The following MED24 variants were observed in gnomAD, a reference collection of about 807,000 sequenced individuals.
The protein encoded by MED24 is mediator complex subunit 24, also known as mediator of RNA polymerase II transcription subunit 24.
MED24 carries 74 observed loss-of-function variants against 118.8 expected under a neutral mutation model. That is an observed-to-expected ratio of 0.62 (90% CI 0.52 to 0.76). The LOEUF (loss-of-function observed/expected upper bound fraction) is 0.76, where lower values mean the gene tolerates loss of function less well. MED24 is among the 30% of genes least tolerant of loss of function. MED24 has a pLI of 0.00. For missense variants in MED24, 1,041 were observed against 1,278.9 expected (o/e 0.81, Z 2.84); for synonymous variants, 521 against 523.9 (o/e 0.99, Z 0.08).
At chr17:40,022,958 C>G in intron 20 of MED24, 132 bp from the exon 21 acceptor site, 1 of 1,345,904 alleles carries the variant, frequency 7.4e-7, no homozygotes, top group South Asian at 1.4e-5. Context: ...GCCCCTCAGG[C>G]TGAATCCCAG....
chr17:40,028,126 T>TG, intron 14 of MED24, 180 bp from the exon 15 acceptor site: 1 of 606,638 alleles, frequency 1.6e-6, no homozygotes, highest in Non-Finnish European at 2.8e-6. Context: ...TTTTTTTTTG[T>TG]TTTTTTTGAG....
chr17:40,040,944 G>T (rs919836768), intron 3 of MED24, among the ~76,000 whole-genome samples: 2 of 151,624 alleles, frequency 1.3e-5, no homozygotes, highest in East Asian at 1.9e-4. Context: ...TAGAGATAGG[G>T]TCTATGTTGT....
chr17:40,021,980 G>C lies in MED24; in HGVS notation c.2598C>G (p.Asp866Glu). 1 of 1,608,254 alleles carries C rather than the reference G, an allele frequency of 6.2e-7. No homozygotes were observed. The highest frequency in any genetic ancestry group is 8.5e-7 in the Non-Finnish European group (1 of 1,177,154). The stretch of plus-strand genomic sequence containing the variant: ...TGGGGCTCGAAAGGATGTTGGCATC[G>C]TCCTCATTAGAGCTCAGCAGTCGCA... ...KLMRLLSSNE[D>E]DANILSSPTD... Residue 866 changes from aspartate to glutamate, a missense_variant, in exon 23 of 26, where the codon GAC becomes GAG. Asp to Glu is a conservative substitution (Grantham distance 45). Coordinates refer to ENST00000394128, the MANE Select transcript of MED24 (RefSeq NM_014815.4).
chr17:40,031,303 G>C (rs1983345143), intron 11 of MED24, 58 bp from the exon 12 acceptor site: 5 of 1,466,926 alleles, frequency 3.4e-6, no homozygotes, highest in Non-Finnish European at 4.7e-6. Flanking sequence ...GTGAGGGGTG[G>C]GAGTGGCAGG....
At position 40,053,350 on chromosome 17, in the gene MED24, G is replaced by C. The variant is rs1349220692; in HGVS notation, c.161C>G (p.Pro54Arg). The stretch of plus-strand genomic sequence containing the variant: ...GGACAAGATGAGAGGATTGGGGGAT[G>C]GTCCAATCATGGCCTGCTCTAGTAA... ...DALLEQAMIG[P>R]SPNPLILSYL... Residue 54 changes from proline (P) to arginine (R), a missense_variant, in exon 3 of 26, where the codon CCA (proline) becomes CGA (arginine). By Grantham distance (103) the Pro-to-Arg change is moderately radical (BLOSUM62 -2). Around this residue, in one of 3 missense-constraint regions of MED24, gnomAD observed 434 missense variants for 514.9 expected, o/e 0.84. Coordinates refer to ENST00000394128, the MANE Select transcript of MED24 (RefSeq NM_014815.4). The C allele has an allele frequency of 4.3e-6, 7 of 1,612,982 alleles. No homozygotes were observed. The highest frequency in any genetic ancestry group is 1.7e-5 in the Admixed American group (1 of 59,934).
At chr17:40,030,296 T>C (rs1983205444) in intron 12 of MED24, among the ~76,000 whole-genome samples, 1 of 132,122 alleles carries the variant, frequency 7.6e-6, no homozygotes, top group Admixed American at 8.0e-5. Flanking sequence ...CAATTTATCA[T>C]TAGTCTTTTT....
At chr17:40,027,613 C>T in intron 15 of MED24, 148 bp from the exon 16 acceptor site, 2 of 762,298 alleles carry the variant, frequency 2.6e-6, no homozygotes, top group Non-Finnish European at 4.3e-6. Flanking sequence ...TTTCTTGAGT[C>T]TCAACTGGAA....
chr17:40,026,855 CA>C lies in MED24; in HGVS notation c.1709del (p.Val570GlyfsTer3). 1 of 1,612,518 alleles carries C rather than the reference CA, an allele frequency of 6.2e-7. No homozygotes were observed. The highest frequency in any genetic ancestry group is 8.5e-7 in the Non-Finnish European group (1 of 1,178,870). ...LLNNSSEMKL[V>X]QMKWHEACLS... ...TTGGAGTGGGCGCCCGGGCCACTGA[CA>C]CTAGCTTCATCTCCGAGGAGTTGTT... On this transcript the variant is annotated frameshift_variant and splice_region_variant, in exon 17 of 26. Transcript: ENST00000394128. LOFTEE classifies it high-confidence loss of function.
In MED24 at chr17:40,019,708, G is replaced by A. The variant is rs1981708706; in HGVS notation, c.2854-63C>T. ...GGTGGTGGGTGTGCTGTCCCAGGGG[G>A]AAGGAGGCCCCTCCCTGCTCTAAGG... On this transcript the variant is annotated intron_variant, in intron 25 of 25. Transcript: ENST00000394128. 3 of 1,586,076 alleles carry A rather than the reference G, an allele frequency of 1.9e-6. No individual in the cohort carries two copies. In the East Asian group the frequency reaches 6.7e-5, roughly 36 times the overall value.
Position 40,022,836 on chromosome 17 carries a change from A to G in MED24, c.2251-10T>C, listed in dbSNP as rs1313198523. On this transcript the variant is annotated splice_polypyrimidine_tract_variant and intron_variant, in intron 20 of 25. Transcript: ENST00000394128. ...TCTCCTTCAGCAGCTCCTAGTGCGCAGGAAAGGGGGCAGTTCAGGAGCCAG... is the reference window on the plus strand; with the variant it reads ...TCTCCTTCAGCAGCTCCTAGTGCGCGGGAAAGGGGGCAGTTCAGGAGCCAG... 4 of 1,612,368 alleles carry G rather than the reference A, an allele frequency of 2.5e-6. No individual in the cohort carries two copies. Among genetic ancestry groups the G allele is most frequent in the Non-Finnish European group, 3.4e-6 (4 of 1,179,780 alleles).
At chr17:40,025,281 G>A (rs1426042230) in intron 19 of MED24, among the ~76,000 whole-genome samples, 2 of 152,144 alleles carry the variant, frequency 1.3e-5, no homozygotes, top group Non-Finnish European at 2.9e-5. Flanking sequence ...AGGAGTTCAA[G>A]ACCTGGCAAT....
chr17:40,052,308 G>A (rs148500781), intron 3 of MED24, among the ~76,000 whole-genome samples: 90 of 152,242 alleles, frequency 5.9e-4, no homozygotes, highest in African/African-American at 2.1e-3. Flanking sequence ...AAGGTAGGTA[G>A]ATGACCTTTG....
intron 3 of MED24, among the ~76,000 whole-genome samples, chr17:40,036,453 G>A (rs906768997): frequency 6.6e-6 from 1 of 152,186 alleles, no homozygotes; most frequent in African/African-American, 2.4e-5. Flanking sequence ...AACTTTGGGA[G>A]GCCGAGGCGG....
intron 3 of MED24, among the ~76,000 whole-genome samples, chr17:40,043,075 C>A (rs183088137): frequency 1.3e-5 from 2 of 152,162 alleles, no homozygotes; most frequent in Non-Finnish European, 2.9e-5. Context: ...CTCAGCCTCC[C>A]GAGTAGCTGG....
At chr17:40,037,963 T>C (rs1375743147) in intron 3 of MED24, among the ~76,000 whole-genome samples, 2 of 150,690 alleles carry the variant, frequency 1.3e-5, no homozygotes, top group African/African-American at 4.9e-5. Flanking sequence ...GTGTGTGACA[T>C]AAATTTGAGA....
rs373995414 is a variant in MED24 at position 40,019,420 on chromosome 17, C to T, written c.*109G>A. 1.6e-5 allele frequency: 14 copies of T among 872,932 alleles called. No homozygotes were observed. The highest frequency in any genetic ancestry group is 2.6e-5 in the Non-Finnish European group (14 of 547,112). 54.1% of individuals were successfully genotyped at this position (872,932 alleles called of 1,614,324 possible). On this transcript the variant is annotated 3_prime_UTR_variant, in exon 26 of 26. Transcript: ENST00000394128. ...TGGAAGCCGCTAGAGGCTCTTGCAC[C>T]ATGTGGAGCGGATGTGAGGCACGAT...
intron 16 of MED24, 27 bp downstream of exon 16, chr17:40,027,356 C>T: frequency 2.5e-6 from 4 of 1,602,706 alleles, no homozygotes; most frequent in Non-Finnish European, 3.4e-6. Flanking sequence ...CCCTTGAGCC[C>T]CCGTCCCGGT....
At chr17:40,048,407 TATG>T (rs1221512303) in intron 3 of MED24, among the ~76,000 whole-genome samples, 1 of 152,236 alleles carries the variant, frequency 6.6e-6, no homozygotes, top group African/African-American at 2.4e-5. Context: ...CATGTGAGAA[TATG>T]ATATTATTAA....
intron 3 of MED24, among the ~76,000 whole-genome samples, chr17:40,037,982 A>G (rs1244735160): frequency 1.3e-5 from 2 of 152,124 alleles, no homozygotes; most frequent in Non-Finnish European, 2.9e-5. Context: ...GAAACACTGG[A>G]TTAAACATAT....
Sources: gnomAD v4.1 joint callset for allele counts (sites outside exome capture counted in the v4.1 genomes callset) on GRCh38, gnomAD v4.1.1 for gene constraint, gnomAD v4.1.1 regional missense constraint, MANE v1.5 for transcripts, NCBI Gene and HGNC (gene_info 2026-07-23, HGNC 2026-07-21) for gene names.